Variants in OLR1 observed in about 807,000 individuals in gnomAD.
OLR1 encodes the protein oxidized low density lipoprotein receptor 1, also known as oxidized low-density lipoprotein receptor 1.
OLR1 carries 23 observed loss-of-function variants against 31.7 expected under a neutral mutation model. That is an observed-to-expected ratio of 0.72 (90% CI 0.52 to 1.03). OLR1 has a LOEUF of 1.03. Among genes scored for constraint, OLR1 ranks in the 50% least tolerant of loss-of-function variants. OLR1 has a pLI of 0.00. For synonymous variants in OLR1, 117 were observed against 115.8 expected (o/e 1.01, Z -0.07); for missense variants, 286 against 315.7 (o/e 0.91, Z 0.71).
At chr12:10,160,078 T>C (rs1460263346) in intron 5 of OLR1, 57 bp from the exon 6 acceptor site, 1 of 1,545,874 alleles carries the variant, frequency 6.5e-7, no homozygotes. Flanking sequence ...TACTGCCACC[T>C]TGTTTCAGAA....
At position 10,159,859 on chromosome 12, in the gene OLR1, T is replaced by A. The variant is rs778031576; in HGVS notation, c.*21A>T. ...GAATAAAACTCAAAGACTTTTTTCTTTTCTTCCAGAGCCTTCAAATTCACT... is the reference window on the plus strand; with the variant it reads ...GAATAAAACTCAAAGACTTTTTTCTATTCTTCCAGAGCCTTCAAATTCACT... On this transcript the variant is annotated 3_prime_UTR_variant, in exon 6 of 6. Transcript: ENST00000309539. 1.3e-6 allele frequency: 2 copies of A among 1,577,424 alleles called. No individual in the cohort carries two copies. The highest frequency in any genetic ancestry group is 4.5e-5 in the East Asian group (2 of 44,306).
rs142675845 is a variant in OLR1, at chr12:10,166,826, C to T, written c.310G>A (p.Glu104Lys). The change falls in exon 3 of 6, where the codon GAA becomes AAA. Residue 104 changes from glutamate to lysine, a missense_variant. Physicochemically the swap from Glu to Lys is moderately conservative, Grantham distance 56 (BLOSUM62 1). Coordinates refer to ENST00000309539, the MANE Select transcript of OLR1 (RefSeq NM_002543.4). Reference protein sequence around the residue: ...ASQESENELKEMIETLARKLN... With the variant: ...ASQESENELKKMIETLARKLN... The stretch of plus-strand genomic sequence containing the variant: ...TTCCGAGCAAGGGTTTCTATCATTT[C>T]CTTGAGTTCGTTTTCTGACTCCTGT... 1.2e-5 allele frequency: 19 copies of T among 1,613,648 alleles called. No individual in the cohort carries two copies. Among genetic ancestry groups the T allele is most frequent in the Middle Eastern group, 1.6e-4 (1 of 6,084 alleles).
chr12:10,169,255 C>T (rs1948689515), intron 1 of OLR1, 80 bp from the exon 2 acceptor site: 2 of 935,312 alleles, frequency 2.1e-6, no homozygotes, highest in Admixed American at 2.6e-5. Flanking sequence ...CCTGTCTGTA[C>T]TTGGTGATTT....
intron 4 of OLR1, 153 bp from the exon 5 acceptor site, chr12:10,160,615 G>A: frequency 1.0e-6 from 1 of 977,382 alleles, no homozygotes; most frequent in Non-Finnish European, 1.6e-6. Flanking sequence ...GAAGGCTAGA[G>A]ATACTACAGA....
rs1948601833 is a variant in OLR1, at chr12:10,159,457, C to G, written c.*423G>C. On this transcript the variant is annotated 3_prime_UTR_variant, in exon 6 of 6. Coordinates refer to ENST00000309539, the MANE Select transcript of OLR1 (RefSeq NM_002543.4). Reference sequence around the variant, plus strand: ...GTCCTTCTTTGTTTCTTCACGTGCACTTTTTCCCAGACATATTTCCCCTTT... The same window carrying G: ...GTCCTTCTTTGTTTCTTCACGTGCAGTTTTTCCCAGACATATTTCCCCTTT... The G allele has an allele frequency of 6.4e-6, 1 of 155,212 alleles. No homozygotes were observed. The highest frequency in any genetic ancestry group is 2.0e-4 in the South Asian group (1 of 5,030). 9.6% of individuals were successfully genotyped at this position (155,212 alleles called of 1,614,324 possible).
At position 10,166,766 on chromosome 12, in the gene OLR1, G is replaced by A. The variant is rs1404388626; in HGVS notation, c.370C>T (p.His124Tyr). 9 of 1,613,960 alleles carry A rather than the reference G, an allele frequency of 5.6e-6. No homozygotes were observed. Among genetic ancestry groups the A allele is most frequent in the African/African-American group, 1.3e-5 (1 of 74,996 alleles). The change falls in exon 3 of 6, where the codon CAC (histidine) becomes TAC (tyrosine). Residue 124 changes from histidine to tyrosine, a missense_variant. Transcript: ENST00000309539. ...TCTTGGAGATTCAGATTCTGGTGGTGAAGTTCCATTTGCTCTTTGGATTTC... is the reference window on the plus strand; with the variant it reads ...TCTTGGAGATTCAGATTCTGGTGGTAAAGTTCCATTTGCTCTTTGGATTTC... ...NEKSKEQMEL[H>Y]HQNLNLQETL...
upstream of OLR1, among the ~76,000 whole-genome samples, chr12:10,176,035 G>T (rs1948763060): frequency 6.6e-6 from 1 of 152,150 alleles, no homozygotes; most frequent in Non-Finnish European, 1.5e-5. Context: ...TAACTACCTG[G>T]ACATAAGCTA....
At chr12:10,166,388 C>A (rs1004175675) in intron 3 of OLR1, among the ~76,000 whole-genome samples, 1 of 151,062 alleles carries the variant, frequency 6.6e-6, no homozygotes, top group African/African-American at 2.4e-5. Flanking sequence ...ATTAGCTGGG[C>A]GTGGTGATGG....
At chr12:10,174,146 C>T (rs186580092), upstream of OLR1, among the ~76,000 whole-genome samples, 6 of 152,250 alleles carry the variant, frequency 3.9e-5, no homozygotes, top group African/African-American at 9.6e-5. Flanking sequence ...CTGCAACCTC[C>T]GCCTCCTGGG....
At chr12:10,161,705 G>C (rs1948621084) in intron 3 of OLR1, among the ~76,000 whole-genome samples, 3 of 151,904 alleles carry the variant, frequency 2.0e-5, no homozygotes. Context: ...ACCACACCCG[G>C]CTAGTTTGCA....
chr12:10,175,505 G>A (rs1948759161), upstream of OLR1: 1 of 152,170 alleles, frequency 6.6e-6, no homozygotes, highest in South Asian at 2.1e-4. Flanking sequence ...AAAGTACATT[G>A]TTTTACCTTG....
At chr12:10,161,093 G>A (rs752811946) in intron 3 of OLR1, among the ~76,000 whole-genome samples, 168 bp from the exon 4 acceptor site, 10 of 152,096 alleles carry the variant, frequency 6.6e-5, no homozygotes, top group Non-Finnish European at 1.0e-4. Context: ...TGTAGGCCAA[G>A]CCTCCCAAAG....
intron 3 of OLR1, among the ~76,000 whole-genome samples, chr12:10,161,781 A>C (rs1948621976): frequency 6.6e-6 from 1 of 152,134 alleles, no homozygotes; most frequent in South Asian, 2.1e-4. Context: ...AAAGAAAAAG[A>C]ATGTAAAATA....
chr12:10,166,980 C>G (rs1434603953), intron 2 of OLR1, 23 bp from the exon 3 acceptor site: 1 of 1,595,672 alleles, frequency 6.3e-7, no homozygotes, highest in Admixed American at 1.8e-5. Flanking sequence ...TGCATTAAGA[C>G]TCTAGTTCTA....
At chr12:10,170,221 A>G (rs556622033) in intron 1 of OLR1, 20 of 152,348 alleles carry the variant, frequency 1.3e-4, no homozygotes, top group African/African-American at 4.8e-4. Context: ...CAAAGTTTTC[A>G]TATGTCAAAG....
Position 10,172,128 on chromosome 12 carries a change from A to G in OLR1, c.-51T>C. The G allele has an allele frequency of 7.6e-7, 1 of 1,317,844 alleles. No homozygotes were observed. 81.6% of individuals were successfully genotyped at this position (1,317,844 alleles called of 1,614,324 possible). ...GAGTGAAGCAGTCACGAACTTCAAC[A>G]AACTAAAAATATGTGAGCTTCTGCA... On this transcript the variant is annotated 5_prime_UTR_variant, in exon 1 of 6. Transcript: ENST00000309539.
At chr12:10,166,416 G>A (rs996922737) in intron 3 of OLR1, among the ~76,000 whole-genome samples, 3 of 149,986 alleles carry the variant, frequency 2.0e-5, no homozygotes, top group Non-Finnish European at 3.0e-5. Flanking sequence ...TAGTCCCAAC[G>A]ACTTGGGAGG....
upstream of OLR1, among the ~76,000 whole-genome samples, chr12:10,174,019 A>G (rs1457035298): frequency 6.6e-6 from 1 of 151,866 alleles, no homozygotes; most frequent in African/African-American, 2.4e-5. Context: ...CCACCAAGCA[A>G]TAACTCCTGT....
rs1371641594 is a variant in OLR1 at position 10,159,473 on chromosome 12, T to G, written c.*407A>C. On this transcript the variant is annotated 3_prime_UTR_variant, in exon 6 of 6. Coordinates refer to ENST00000309539, the MANE Select transcript of OLR1 (RefSeq NM_002543.4). ...TCACGTGCACTTTTTCCCAGACATA[T>G]TTCCCCTTTTTGCTCTCTGCCTGCA... 4 of 156,160 alleles carry G rather than the reference T, an allele frequency of 2.6e-5. No homozygotes were observed. Among genetic ancestry groups the G allele is most frequent in the Non-Finnish European group, 5.7e-5 (4 of 70,238 alleles). The allele number at this position is 156,160 out of a possible 1,614,324, so 9.7% of individuals were successfully genotyped here.
Sources: gnomAD v4.1 joint callset for allele counts (sites outside exome capture counted in the v4.1 genomes callset) on GRCh38, gnomAD v4.1.1 for gene constraint, MANE v1.5 for transcripts, NCBI Gene and HGNC (gene_info 2026-07-23, HGNC 2026-07-21) for gene names.